The following MCF2L variants were observed in gnomAD, a reference collection of about 807,000 sequenced individuals.
MCF2L encodes guanine nucleotide exchange factor DBS.
Under a neutral mutation model 153.4 loss-of-function variants are expected in MCF2L, and 97 were observed. The observed-to-expected ratio is 0.63, with a 90% CI of 0.54 to 0.75. The LOEUF (loss-of-function observed/expected upper bound fraction) is 0.75. Ranked by LOEUF, MCF2L falls within the 30% of genes least tolerant of loss-of-function variation. The probability of loss-of-function intolerance (pLI) is 0.00; values close to 1 mark genes in which losing one functional copy is unlikely to be tolerated. For synonymous variants in MCF2L, 659 were observed against 632.2 expected, an observed-to-expected ratio of 1.04 and a Z score of -0.64; for missense variants, 1,347 against 1,495.2, an observed-to-expected ratio of 0.90 and a Z score of 1.64.
rs1185548529 is a variant in MCF2L, at chr13:113,028,567, C to T, written c.278+3809C>T. ...GCAGGCCCAGTCCCCGCTGTGGACA[C>T]GCGGGCCCCAGGTTGCTCAGAGGCA... On this transcript the variant is annotated intron_variant, in intron 3 of 29. Transcript: ENST00000535094. The surrounding 1 kb of genome is among the most constrained non-coding windows in gnomAD (Gnocchi z 5.4). 3.9e-5 allele frequency among the ~76,000 whole-genome samples: 6 copies of T among 152,220 alleles called. No homozygotes were observed. The highest frequency in any genetic ancestry group is 1.3e-4 in the Admixed American group (2 of 15,282).
At chr13:112,898,089 A>G (rs2081085154) in intron 1 of MCF2L, among the ~76,000 whole-genome samples, 2 of 152,014 alleles carry the variant, frequency 1.3e-5, no homozygotes, top group African/African-American at 4.8e-5. Context: ...CCTCTACTCC[A>G]CGTTATTATT....
rs554000620 is a variant in MCF2L at position 112,983,726 on chromosome 13, C to T, written c.79+14268C>T. Among the ~76,000 whole-genome samples, 3 of 152,210 alleles carry T rather than the reference C, an allele frequency of 2.0e-5. No individual in the cohort carries two copies. The highest frequency in any genetic ancestry group is 7.2e-5 in the African/African-American group (3 of 41,458). On this transcript the variant is annotated intron_variant, in intron 1 of 29. Transcript: ENST00000535094. The surrounding 1 kb of genome is among the most constrained non-coding windows in gnomAD (Gnocchi z 4.0). ...CTGACGCACTGTGGCCCCGGGGAAG[C>T]GTGGTGTCTGCAGCCTCCTGGGCCT... is the stretch of plus-strand genomic sequence containing the variant.
chr13:112,996,050 G>C (rs372918844), intron 1 of MCF2L, among the ~76,000 whole-genome samples: 1 of 152,088 alleles, frequency 6.6e-6, no homozygotes, highest in Non-Finnish European at 1.5e-5. Context: ...CCCCTCCCAG[G>C]GCCCCATTTA....
Position 112,994,135 on chromosome 13 carries a change from G to A in MCF2L, c.80-20628G>A, listed in dbSNP as rs569906261. The stretch of plus-strand genomic sequence containing the variant: ...ACGTCACTGTCTGTGCCGGTGTCTC[G>A]GGCAGGGGCAGGTGTGGATGCCAAG... On this transcript the variant is annotated intron_variant, in intron 1 of 29. Transcript: ENST00000535094. 8.5e-4 allele frequency among the ~76,000 whole-genome samples: 130 copies of A among 152,190 alleles called. 1 individual carries two copies. Among genetic ancestry groups the A allele is most frequent in the African/African-American group, 2.9e-3 (120 of 41,524 alleles).
chr13:112,968,136 G>A (rs1279267884), upstream of MCF2L: 2 of 180,686 alleles, frequency 1.1e-5, no homozygotes, highest in Non-Finnish European at 2.1e-5. Flanking sequence ...TGATTGGGGA[G>A]TGAGGTGGGG....
At position 113,007,678 on chromosome 13, in the gene MCF2L, G is replaced by C. The variant is rs190399749; in HGVS notation, c.80-7085G>C. Among the ~76,000 whole-genome samples, 374 of 152,306 alleles carry C rather than the reference G, an allele frequency of 2.5e-3. 2 individuals are homozygous for C. Among genetic ancestry groups the C allele is most frequent in the South Asian group, 0.013 (65 of 4,824 alleles). On this transcript the variant is annotated intron_variant, in intron 1 of 29. Coordinates refer to ENST00000535094, the MANE Select transcript of MCF2L (RefSeq NM_001112732.3). ...AGCAGAAACTGTGCAAACGCGGTTCGGCGGCCTCAGTCACTGTCCTTTGTA... is the reference window on the plus strand; with the variant it reads ...AGCAGAAACTGTGCAAACGCGGTTCCGCGGCCTCAGTCACTGTCCTTTGTA...
At chr13:112,944,569 C>CTTTTT (rs34676086) in intron 2 of MCF2L, among the ~76,000 whole-genome samples, 1 of 102,178 alleles carries the variant, frequency 9.8e-6, no homozygotes, top group African/African-American at 3.8e-5. Context: ...TAAACCTGAA[C>CTTTTT]TTTTTTTTTT....
chr13:113,037,039 G>A (rs143923455), intron 3 of MCF2L, among the ~76,000 whole-genome samples: 86 of 152,334 alleles, frequency 5.6e-4, no homozygotes, highest in African/African-American at 1.8e-3. Flanking sequence ...ACTTAGTGCC[G>A]TGCGGTCCAG....
At position 113,035,921 on chromosome 13, in the gene MCF2L, G is replaced by GT. The variant is rs1264281801; in HGVS notation, c.279-9349dup. 6.6e-6 allele frequency among the ~76,000 whole-genome samples: 1 copy of GT among 152,146 alleles called. No individual in the cohort carries two copies. Among genetic ancestry groups the GT allele is most frequent in the African/African-American group, 2.4e-5 (1 of 41,428 alleles). On this transcript the variant is annotated intron_variant, in intron 3 of 29. Transcript: ENST00000535094. The surrounding 1 kb of genome is among the most constrained non-coding windows in gnomAD (Gnocchi z 4.4). ...ACAGGCGATGGGGCCTTCCTCTCTG[G>GT]TACAGCAGGGGCCTAAGGGATGTTT...
chr13:113,062,299 G>T (rs1011370585), intron 5 of MCF2L, among the ~76,000 whole-genome samples: 2 of 152,108 alleles, frequency 1.3e-5, no homozygotes, highest in African/African-American at 4.8e-5. Flanking sequence ...CTCCTCTCGT[G>T]ATGGCGTGTG....
intron 3 of MCF2L, among the ~76,000 whole-genome samples, chr13:113,025,252 C>T (rs1466231155): frequency 3.6e-5 from 3 of 83,742 alleles, no homozygotes; most frequent in South Asian, 3.6e-4. Context: ...TGAGATTTCC[C>T]CGTCATGGGG....
At chr13:113,065,452 T>G in intron 7 of MCF2L, 1 of 278,566 alleles carries the variant, frequency 3.6e-6, no homozygotes, top group South Asian at 6.3e-5. Context: ...TAGACATCTC[T>G]TGCTTCTGAG....
chr13:113,059,656 C>T (rs913061588), intron 4 of MCF2L, among the ~76,000 whole-genome samples: 4 of 152,186 alleles, frequency 2.6e-5, no homozygotes, highest in Admixed American at 1.3e-4. Flanking sequence ...CTGAACGCCA[C>T]GCACGCCTTG....
chr13:112,927,025 T>G (rs2081414589), intron 2 of MCF2L, among the ~76,000 whole-genome samples: 1 of 152,170 alleles, frequency 6.6e-6, no homozygotes, highest in Admixed American at 6.5e-5. Flanking sequence ...TTTTGTCAAT[T>G]TAAAAGAAAA....
At position 113,054,127 on chromosome 13, in the gene MCF2L, T is replaced by C. The variant is rs1383715412; in HGVS notation, c.370-6466T>C. On this transcript the variant is annotated intron_variant, in intron 4 of 29. Transcript: ENST00000535094. The surrounding 1 kb of genome is among the most constrained non-coding windows in gnomAD (Gnocchi z 5.2). The stretch of plus-strand genomic sequence containing the variant: ...CTCCCATCAATCAATCAACAGACTG[T>C]CCTATTTTCATAGTAGTCCCCACCC... Among the ~76,000 whole-genome samples the C allele has an allele frequency of 6.6e-6, 1 of 152,140 alleles. No individual in the cohort carries two copies. Among genetic ancestry groups the C allele is most frequent in the Non-Finnish European group, 1.5e-5 (1 of 68,036 alleles).
intron 1 of MCF2L, among the ~76,000 whole-genome samples, chr13:112,994,239 C>T (rs1193030463): frequency 6.6e-6 from 1 of 150,480 alleles, no homozygotes; most frequent in East Asian, 2.0e-4. Flanking sequence ...AAGCTGACAT[C>T]ACTATGCAGG....
chr13:112,961,248 T>C (rs1390540950), intron 2 of MCF2L, among the ~76,000 whole-genome samples: 1 of 152,266 alleles, frequency 6.6e-6, no homozygotes, highest in Non-Finnish European at 1.5e-5. Context: ...ATGAAGTGAC[T>C]CTGCTGTTAT....
At chr13:112,929,581 C>T (rs1250349396) in intron 2 of MCF2L, among the ~76,000 whole-genome samples, 6 of 152,176 alleles carry the variant, frequency 3.9e-5, no homozygotes, top group Admixed American at 1.3e-4. Flanking sequence ...CTGTGAAGTG[C>T]ATGGAGTCTG....
At chr13:112,958,887 G>C (rs1329802036) in intron 2 of MCF2L, among the ~76,000 whole-genome samples, 4 of 152,180 alleles carry the variant, frequency 2.6e-5, no homozygotes, top group African/African-American at 7.2e-5. Flanking sequence ...TGGATGGCTC[G>C]TGGGAGAGCC....
Sources: allele counts gnomAD v4.1 joint callset (sites outside exome capture counted in the v4.1 genomes callset), GRCh38; gene constraint gnomAD v4.1.1; non-coding constraint Gnocchi (gnomAD v3.1); transcripts MANE v1.5; gene names NCBI Gene and HGNC (gene_info 2026-07-23, HGNC 2026-07-21).